Variants in GRAMD1B observed in about 807,000 individuals in gnomAD.
GRAMD1B encodes GRAM domain containing 1B.
Under a neutral mutation model 99.7 loss-of-function variants are expected in GRAMD1B, and 37 were observed. The observed-to-expected ratio is 0.37, with a 90% CI of 0.29 to 0.49. The LOEUF is 0.49. Among genes scored for constraint, GRAMD1B ranks in the 20% least tolerant of loss-of-function variants. The pLI, the probability that GRAMD1B is intolerant of heterozygous loss-of-function variation, is 0.98. For synonymous variants in GRAMD1B, 427 were observed against 387.6 expected (o/e 1.10, Z -1.19); for missense variants, 888 against 1,009.2 (o/e 0.88, Z 1.63).
intron 2 of GRAMD1B, among the ~76,000 whole-genome samples, chr11:123,499,152 G>T (rs1308029665): frequency 6.6e-6 from 1 of 152,128 alleles, no homozygotes; most frequent in African/African-American, 2.4e-5. Context: ...AAGGCCTCTG[G>T]GAGGTAATTA....
chr11:123,560,505 A>C (rs1946615882), intron 2 of GRAMD1B: 2 of 1,244,660 alleles, frequency 1.6e-6, no homozygotes, highest in Admixed American at 2.5e-5. Context: ...CGTTAGAAAC[A>C]GGGCTTTGGG....
intron 2 of GRAMD1B, among the ~76,000 whole-genome samples, chr11:123,562,347 A>AGG (rs1271342655): frequency 6.6e-6 from 1 of 152,098 alleles, no homozygotes; most frequent in Non-Finnish European, 1.5e-5. Context: ...GACCTTTTCA[A>AGG]GGTCTTTTCT....
intron 4 of GRAMD1B, among the ~76,000 whole-genome samples, chr11:123,589,031 A>G (rs1282383727): frequency 6.6e-6 from 1 of 152,006 alleles, no homozygotes; most frequent in Non-Finnish European, 1.5e-5. Context: ...ATGCACAAAG[A>G]AAAGTGCTGA....
chr11:123,529,994 A>G (rs1236889252), intron 2 of GRAMD1B, among the ~76,000 whole-genome samples: 1 of 152,134 alleles, frequency 6.6e-6, no homozygotes, highest in Non-Finnish European at 1.5e-5. Context: ...GGAAAAAAAA[A>G]AGGTTGAGAG....
chr11:123,446,664 G>A (rs1949659439), intron 1 of GRAMD1B, among the ~76,000 whole-genome samples: 1 of 152,168 alleles, frequency 6.6e-6, no homozygotes, highest in Non-Finnish European at 1.5e-5. Flanking sequence ...CACTGCCAGA[G>A]AGATGCGACT....
chr11:123,618,626 TG>T, intron 17 of GRAMD1B, 66 bp from the exon 18 acceptor site: 1 of 919,544 alleles, frequency 1.1e-6, no homozygotes, highest in Non-Finnish European at 1.8e-6. Context: ...GCCTCTGGGA[TG>T]GGGGATGTCC....
At chr11:123,531,285 C>CG (rs1943343042) in intron 2 of GRAMD1B, among the ~76,000 whole-genome samples, 1 of 152,084 alleles carries the variant, frequency 6.6e-6, no homozygotes, top group African/African-American at 2.4e-5. Context: ...CAGCTCAGGG[C>CG]GAGGACTGAA....
At chr11:123,396,514 G>T (rs946707707) in intron 1 of GRAMD1B, among the ~76,000 whole-genome samples, 28 of 152,014 alleles carry the variant, frequency 1.8e-4, no homozygotes, top group African/African-American at 5.5e-4. Context: ...GACCTCAGGG[G>T]ATCCGCCCGC....
At chr11:123,439,647 G>C (rs1023369746) in intron 1 of GRAMD1B, among the ~76,000 whole-genome samples, 3 of 152,214 alleles carry the variant, frequency 2.0e-5, no homozygotes, top group Non-Finnish European at 4.4e-5. Flanking sequence ...CTGTAGATGA[G>C]ATGGAGGAAT....
At chr11:123,496,126 T>G (rs11219170) in intron 2 of GRAMD1B, among the ~76,000 whole-genome samples, 1 of 152,334 alleles carries the variant, frequency 6.6e-6, no homozygotes, top group East Asian at 1.9e-4. Context: ...CCTTCAGCAT[T>G]TCTTATAGGA....
At chr11:123,559,692 G>C in intron 2 of GRAMD1B, 1 of 985,106 alleles carries the variant, frequency 1.0e-6, no homozygotes, top group Non-Finnish European at 1.2e-6. Context: ...TGCCACGAAT[G>C]TAAGTGCTTT....
chr11:123,473,206 G>A (rs957925989), intron 1 of GRAMD1B, among the ~76,000 whole-genome samples: 7 of 152,190 alleles, frequency 4.6e-5, no homozygotes, highest in African/African-American at 7.2e-5. Flanking sequence ...TGGGATTACA[G>A]GAGTCTGCCA....
intron 1 of GRAMD1B, among the ~76,000 whole-genome samples, chr11:123,361,109 C>T (rs961899718): frequency 6.6e-6 from 1 of 152,186 alleles, no homozygotes; most frequent in Non-Finnish European, 1.5e-5. Flanking sequence ...AGCCACTGCG[C>T]CTGGCTGAAA....
chr11:123,405,373 C>A (rs947334201), intron 1 of GRAMD1B, among the ~76,000 whole-genome samples: 1 of 152,172 alleles, frequency 6.6e-6, no homozygotes, highest in African/African-American at 2.4e-5. Context: ...ATCCTCCCCC[C>A]TCGAAGGCTC....
intron 8 of GRAMD1B, among the ~76,000 whole-genome samples, chr11:123,601,838 C>T (rs537463514): frequency 2.6e-5 from 4 of 152,312 alleles, no homozygotes; most frequent in South Asian, 4.1e-4. Context: ...TCATATGCTT[C>T]GCAAATGCCC....
chr11:123,436,412 T>C (rs1949162185), intron 1 of GRAMD1B, among the ~76,000 whole-genome samples: 1 of 152,176 alleles, frequency 6.6e-6, no homozygotes, highest in African/African-American at 2.4e-5. Context: ...AATGTGATCT[T>C]GTTGAGGAAT....
At chr11:123,543,326 T>C (rs966694151) in intron 2 of GRAMD1B, among the ~76,000 whole-genome samples, 12 of 152,212 alleles carry the variant, frequency 7.9e-5, no homozygotes, top group Non-Finnish European at 1.3e-4. Context: ...AAAATATACA[T>C]GGACTTTCTG....
rs376379667 is a variant in GRAMD1B, at chr11:123,609,121, G to A, written c.1657+319G>A. On this transcript the variant is annotated intron_variant, in intron 12 of 19. Transcript: ENST00000635736. ...TAGTAAAGCACAGTGGCTCTCACTC[G>A]CTGGCAGCACCCACTCTATGCCATG... 3.2e-4 allele frequency among the ~76,000 whole-genome samples: 48 copies of A among 152,104 alleles called. 1 individual carries two copies. The South Asian group carries it at 7.9e-3, about 25-fold the overall frequency.
At chr11:123,407,768 A>G (rs1409675894) in intron 1 of GRAMD1B, among the ~76,000 whole-genome samples, 1 of 152,230 alleles carries the variant, frequency 6.6e-6, no homozygotes, top group Non-Finnish European at 1.5e-5. Context: ...AGGTGCATTC[A>G]TTGATTAACA....
Sources: gnomAD v4.1 joint callset for allele counts (sites outside exome capture counted in the v4.1 genomes callset) on GRCh38, gnomAD v4.1.1 for gene constraint, MANE v1.5 for transcripts, NCBI Gene and HGNC (gene_info 2026-07-23, HGNC 2026-07-21) for gene names.